P4HA2: variants seen among roughly 807,000 people sequenced by gnomAD.
P4HA2 encodes prolyl 4-hydroxylase subunit alpha 2.
A neutral mutation model predicts 76.9 loss-of-function variants in P4HA2; 46 were observed. The observed-to-expected ratio is 0.60, with a 90% CI of 0.47 to 0.76. P4HA2 has a LOEUF of 0.76. Among genes scored for constraint, P4HA2 ranks in the 30% least tolerant of loss-of-function variants. The probability of loss-of-function intolerance (pLI) is 0.00; values close to 1 mark genes in which losing one functional copy is unlikely to be tolerated. For missense variants in P4HA2, 583 were observed against 669.4 expected (o/e 0.87, Z 1.42); for synonymous variants, 243 against 254.0 (o/e 0.96, Z 0.41).
At position 132,190,549 on chromosome 5, in the gene P4HA2, A is replaced by C. The variant is rs1187208352; in HGVS notation, c.*2461T>G. On this transcript the variant is annotated 3_prime_UTR_variant, in exon 15 of 15. Transcript: ENST00000360568. ...CCTATCCTAATAAAATATGCAAAAA[A>C]TTAAAAGTAGAACTTTACACTTCAT... is the stretch of plus-strand genomic sequence containing the variant. 6.6e-6 allele frequency among the ~76,000 whole-genome samples: 1 copy of C among 152,256 alleles called. No homozygotes were observed. Among genetic ancestry groups the C allele is most frequent in the Non-Finnish European group, 1.5e-5 (1 of 68,048 alleles).
At chr5:132,203,934 G>T in intron 9 of P4HA2, 87 bp from the exon 10 acceptor site, 1 of 1,181,186 alleles carries the variant, frequency 8.5e-7, no homozygotes, top group Non-Finnish European at 1.3e-6. Context: ...GTCAGGGCCA[G>T]CATGAACAGG....
chr5:132,203,970 G>T, intron 9 of P4HA2, 112 bp downstream of exon 9: 2 of 1,120,748 alleles, frequency 1.8e-6, no homozygotes, highest in Non-Finnish European at 2.7e-6. Flanking sequence ...GCTGCAAGGG[G>T]GTGAGGAGGT....
intron 3 of P4HA2, 128 bp downstream of exon 3, chr5:132,217,624 G>A: frequency 1.4e-6 from 1 of 724,352 alleles, no homozygotes; most frequent in South Asian, 1.6e-5. Context: ...CTGGCATGAA[G>A]TAACCAGGCC....
chr5:132,214,048 T>A lies in P4HA2; in HGVS notation c.337A>T (p.Ile113Phe), dbSNP rs369458854. The A allele has an allele frequency of 6.2e-7, 1 of 1,613,964 alleles. No homozygotes were observed. Among genetic ancestry groups the A allele is most frequent in the South Asian group, 1.1e-5 (1 of 91,048 alleles). The change falls in exon 5 of 15, where the codon ATC (isoleucine) becomes TTC (phenylalanine). Residue 113 changes from isoleucine (I) to phenylalanine (F), a missense_variant. By Grantham distance (21) the Ile-to-Phe change is conservative. Transcript: ENST00000360568. ...TGCCGCTGCACAGAGAGGTTGGCGA[T>A]AAAACCTTCCAAATGAGAGTCAGAA... The part of the protein sequence containing the change: ...LVLQDSAAGF[I>F]ANLSVQRQFF...
At chr5:132,208,606 C>A (rs1752584853) in intron 7 of P4HA2, among the ~76,000 whole-genome samples, 1 of 151,648 alleles carries the variant, frequency 6.6e-6, no homozygotes, top group Non-Finnish European at 1.5e-5. Flanking sequence ...TTGAGTAGGT[C>A]TGAAGGGCTG....
intron 7 of P4HA2, 68 bp downstream of exon 7, chr5:132,209,070 A>T: frequency 8.3e-7 from 1 of 1,211,986 alleles, no homozygotes; most frequent in Non-Finnish European, 1.2e-6. Flanking sequence ...ACCTTCCCCA[A>T]ATCTGCCTGC....
At chr5:132,194,417 G>T (rs1477124696) in intron 14 of P4HA2, among the ~76,000 whole-genome samples, 1 of 152,002 alleles carries the variant, frequency 6.6e-6, no homozygotes, top group Non-Finnish European at 1.5e-5. Context: ...CACCACAACT[G>T]CTCCCAGGAT....
rs1354916786 is a variant in P4HA2 at position 132,210,512 on chromosome 5, G to A, written c.481C>T (p.Gln161Ter). The change falls in exon 6 of 15, where the codon CAG becomes TAG. Residue 161 changes from glutamine to a stop codon, truncating the protein, a stop_gained. Transcript: ENST00000360568. LOFTEE classifies it high-confidence loss of function. The stretch of plus-strand genomic sequence containing the variant: ...CAGTCATCCACACTCAGCATTGCCT[G>A]GTACTTGGTTCCTACAGCAGGGGAA... ...SRGELPGTKYQAMLSVDDCFG... is the reference protein window; with the variant it reads ...SRGELPGTKY 2 of 1,614,052 alleles carry A rather than the reference G, an allele frequency of 1.2e-6. No individual in the cohort carries two copies. The highest frequency in any genetic ancestry group is 1.7e-5 in the Admixed American group (1 of 60,018).
At chr5:132,193,460 A>G (rs536450766) in intron 14 of P4HA2, 1 of 154,476 alleles carries the variant, frequency 6.5e-6, no homozygotes, top group South Asian at 2.1e-4. Flanking sequence ...GCTACATAGA[A>G]GTTATCCTGG....
rs765304546 is a variant in P4HA2 at position 132,210,519 on chromosome 5, G to C, written c.474C>G (p.Thr158=). 1 of 1,614,018 alleles carries C rather than the reference G, an allele frequency of 6.2e-7. No homozygotes were observed. Among genetic ancestry groups the C allele is most frequent in the Admixed American group, 1.7e-5 (1 of 60,026 alleles). The change falls in exon 6 of 15, where the codon ACC becomes ACG. Residue 158 remains threonine (T), a synonymous_variant. Transcript: ENST00000360568. ...GTISRGELPG[T]KYQAMLSVDD... Reference sequence around the variant, plus strand: ...CCACACTCAGCATTGCCTGGTACTTGGTTCCTACAGCAGGGGAAGTAAATT... The same window carrying C: ...CCACACTCAGCATTGCCTGGTACTTCGTTCCTACAGCAGGGGAAGTAAATT...
intron 13 of P4HA2, 51 bp downstream of exon 13, chr5:132,195,361 G>A (rs368071029): frequency 2.2e-5 from 30 of 1,351,612 alleles, no homozygotes; most frequent in African/African-American, 1.3e-4. Flanking sequence ...CATGGACAAA[G>A]TAAAGTCTGA....
At chr5:132,217,677 C>CT (rs1754107436) in intron 3 of P4HA2, 75 bp downstream of exon 3, 1 of 952,222 alleles carries the variant, frequency 1.1e-6, no homozygotes, top group Admixed American at 1.7e-5. Context: ...TATAGGCACC[C>CT]TGGATGGCTT....
In P4HA2 at chr5:132,210,375, C is replaced by T. The variant is rs1752908894; in HGVS notation, c.618G>A (p.Lys206=). 6.2e-7 allele frequency: 1 copy of T among 1,614,016 alleles called. No individual in the cohort carries two copies. The highest frequency in any genetic ancestry group is 1.3e-5 in the African/African-American group (1 of 74,900). The change falls in exon 6 of 15, where the codon AAG becomes AAA. Residue 206 remains lysine, a synonymous_variant. Coordinates refer to ENST00000360568, the MANE Select transcript of P4HA2 (RefSeq NM_001017974.2). ...LDAGEEATTT[K]SQVLDYLSYA... ...AGCTGAGGTAGTCCAGCACCTGTGA[C>T]TTGGTTGTGGTGGCCTCCTCCCCGG...
intron 4 of P4HA2, among the ~76,000 whole-genome samples, chr5:132,216,026 A>G (rs1466591877): frequency 6.7e-6 from 1 of 150,170 alleles, no homozygotes; most frequent in African/African-American, 2.5e-5. Flanking sequence ...TTAGCTGGGC[A>G]TGGTGGCATG....
intron 12 of P4HA2, chr5:132,197,940 T>G: frequency 1.1e-6 from 1 of 932,648 alleles, no homozygotes; most frequent in Non-Finnish European, 1.3e-6. Context: ...GATGGTAAGT[T>G]TTATGTTATG....
At chr5:132,198,463 A>G (rs1751016742) in intron 11 of P4HA2, 83 bp from the exon 12 acceptor site, 34 of 1,273,790 alleles carry the variant, frequency 2.7e-5, no homozygotes, top group Non-Finnish European at 3.7e-5. Flanking sequence ...GGGTCAGGGA[A>G]AAGTAATAAG....
intron 1 of P4HA2, chr5:132,226,905 T>C (rs970679103): frequency 1.3e-5 from 2 of 152,622 alleles, no homozygotes; most frequent in African/African-American, 4.8e-5. Flanking sequence ...AGGAATGGCA[T>C]TGGCCAAGGT....
At chr5:132,205,752 A>G (rs1380162088) in intron 8 of P4HA2, among the ~76,000 whole-genome samples, 1 of 152,188 alleles carries the variant, frequency 6.6e-6, no homozygotes. Flanking sequence ...GCTCCTACTC[A>G]TGGCCCTTCC....
At position 132,203,853 on chromosome 5, in the gene P4HA2, C is replaced by T; in HGVS notation, c.1152-6G>A. On this transcript the variant is annotated splice_polypyrimidine_tract_variant and splice_region_variant and intron_variant, in intron 9 of 14. Coordinates refer to ENST00000360568, the MANE Select transcript of P4HA2 (RefSeq NM_001017974.2). The stretch of plus-strand genomic sequence containing the variant: ...CATCTTCCTCTAGCCAGGAGCTGGG[C>T]AAAAAGAAAAGGGCAGAGAAAAGAA... 2 of 1,608,666 alleles carry T rather than the reference C, an allele frequency of 1.2e-6. No individual in the cohort carries two copies. The highest frequency in any genetic ancestry group is 1.7e-6 in the Non-Finnish European group (2 of 1,175,240).
Sources: gnomAD v4.1 joint callset for allele counts (sites outside exome capture counted in the v4.1 genomes callset) on GRCh38, gnomAD v4.1.1 for gene constraint, MANE v1.5 for transcripts, NCBI Gene and HGNC (gene_info 2026-07-23, HGNC 2026-07-21) for gene names.